Variants in SKA2 observed in about 807,000 individuals in gnomAD.
SKA2 encodes the protein spindle and kinetochore associated complex subunit 2, also known as spindle and kinetochore-associated protein 2.
SKA2 carries 13 observed loss-of-function variants against 16.9 expected under a neutral mutation model. That is an observed-to-expected ratio of 0.77 (90% CI 0.50 to 1.22). The LOEUF is 1.22. Ranked by LOEUF, SKA2 falls within the 50% of genes most tolerant of loss-of-function variation. The pLI, the probability that SKA2 is intolerant of heterozygous loss-of-function variation, is 0.00. For synonymous variants in SKA2, 47 were observed against 48.5 expected, an observed-to-expected ratio of 0.97 and a Z score of 0.13; for missense variants, 107 against 139.7, an observed-to-expected ratio of 0.77 and a Z score of 1.18.
At position 59,112,119 on chromosome 17, in the gene SKA2, T is replaced by C. The variant is rs1195323434; in HGVS notation, c.*158A>G. ...CATATATTATCTGCCCTTCTTCTTA[T>C]AATCTCTCTCATGAAAGATATCATT... is the stretch of plus-strand genomic sequence containing the variant. On this transcript the variant is annotated 3_prime_UTR_variant, in exon 4 of 4. Coordinates refer to ENST00000330137, the MANE Select transcript of SKA2 (RefSeq NM_182620.4). 8 of 609,340 alleles carry C rather than the reference T, an allele frequency of 1.3e-5. No homozygotes were observed. The highest frequency in any genetic ancestry group is 2.2e-5 in the South Asian group (1 of 46,288). The allele number at this position is 609,340 out of a possible 1,614,324, so 37.7% of individuals were successfully genotyped here.
intron 1 of SKA2, among the ~76,000 whole-genome samples, chr17:59,142,692 CGAGGTGGGTGGATCACCT>C (rs2046500590): frequency 6.6e-6 from 1 of 151,356 alleles, no homozygotes; most frequent in Non-Finnish European, 1.5e-5. Flanking sequence ...TCTGGGAAGC[CGAGGTGGGTGGATCACCT>C]GAGGTCAGAG....
At chr17:59,112,464 TCACAGATTTAGA>T in intron 3 of SKA2, 119 bp from the exon 4 acceptor site, 1 of 694,344 alleles carries the variant, frequency 1.4e-6, no homozygotes, top group East Asian at 2.9e-5. Context: ...ATGTATGTAA[TCACAGATTTAGA>T]AAGGCAAGGG....
At chr17:59,154,950 C>CTAAG in intron 1 of SKA2, 181 bp downstream of exon 1, 1 of 1,613,904 alleles carries the variant, frequency 6.2e-7, no homozygotes, top group Non-Finnish European at 8.5e-7. Flanking sequence ...GGATGTAACC[C>CTAAG]CTTACCCGAG....
intron 1 of SKA2, among the ~76,000 whole-genome samples, chr17:59,152,603 A>AAATAGTCAATGATAGTT (rs58604484): frequency 1.3e-5 from 2 of 152,044 alleles, no homozygotes; most frequent in Non-Finnish European, 2.9e-5. Flanking sequence ...ATTTCCTTTT[A>AAATAGTCAATGATAGTT]CCTTGACAAA....
chr17:59,145,686 C>T (rs1012488503), intron 1 of SKA2, among the ~76,000 whole-genome samples: 2 of 151,998 alleles, frequency 1.3e-5, no homozygotes, highest in Admixed American at 6.6e-5. Context: ...GTTACTAGCC[C>T]GATCTAGAAA....
intron 1 of SKA2, among the ~76,000 whole-genome samples, chr17:59,154,248 C>A (rs965420614): frequency 6.6e-6 from 1 of 150,996 alleles, no homozygotes; most frequent in Admixed American, 6.6e-5. Flanking sequence ...AACAAGGACA[C>A]TAAGAGGAAA....
intron 1 of SKA2, among the ~76,000 whole-genome samples, chr17:59,134,205 GGA>G (rs553793164): frequency 9.3e-4 from 141 of 152,246 alleles, no homozygotes; most frequent in Non-Finnish European, 1.2e-3. Context: ...GAGAGAATGA[GGA>G]GAGACCAGGA....
intron 3 of SKA2, among the ~76,000 whole-genome samples, chr17:59,116,021 G>A (rs974230571): frequency 6.6e-6 from 1 of 152,048 alleles, no homozygotes; most frequent in African/African-American, 2.4e-5. Flanking sequence ...TTGGGTGTAA[G>A]TTTAGTCCCT....
intron 3 of SKA2, chr17:59,118,225 C>A (rs1443713688): frequency 6.6e-6 from 1 of 152,472 alleles, no homozygotes; most frequent in Non-Finnish European, 1.5e-5. Flanking sequence ...GAGATGGTGC[C>A]ATTGCACTCC....
chr17:59,144,033 G>A (rs1274466830), intron 1 of SKA2, among the ~76,000 whole-genome samples: 1 of 151,998 alleles, frequency 6.6e-6, no homozygotes, highest in African/African-American at 2.4e-5. Flanking sequence ...TCATGCGCCT[G>A]TAGTCCCAGC....
intron 1 of SKA2, among the ~76,000 whole-genome samples, chr17:59,141,132 C>T (rs536714137): frequency 2.7e-4 from 41 of 152,032 alleles, no homozygotes; most frequent in African/African-American, 8.4e-4. Context: ...GGCACAGTGG[C>T]GCATGCCTAT....
intron 1 of SKA2, among the ~76,000 whole-genome samples, chr17:59,132,131 G>C (rs991250050): frequency 1.3e-5 from 2 of 152,058 alleles, no homozygotes; most frequent in African/African-American, 4.8e-5. Flanking sequence ...CAAGGCAGGT[G>C]GATCACCTGA....
rs1415047086 is a variant in SKA2 at position 59,155,154 on chromosome 17, C to T, written c.10G>A (p.Glu4Lys). MEA[E>K]VDKLELMFQK... ...ACCATCAGTTCCAGCTTATCGACCT[C>T]CGCCTCCATGTTGAATAGTTGACAT... The change falls in exon 1 of 4, where the codon GAG (glutamate) becomes AAG (lysine). Residue 4 changes from glutamate (E) to lysine (K), a missense_variant. Glu to Lys is a moderately conservative substitution (Grantham distance 56). Coordinates refer to ENST00000330137, the MANE Select transcript of SKA2 (RefSeq NM_182620.4). 2 of 1,614,022 alleles carry T rather than the reference C, an allele frequency of 1.2e-6. No individual in the cohort carries two copies. The highest frequency in any genetic ancestry group is 2.2e-5 in the South Asian group (2 of 91,086).
At position 59,111,264 on chromosome 17, in the gene SKA2, G is replaced by A. The variant is rs1214345128; in HGVS notation, c.*1013C>T. 6.6e-6 allele frequency: 1 copy of A among 152,116 alleles called. No homozygotes were observed. Among genetic ancestry groups the A allele is most frequent in the Non-Finnish European group, 1.5e-5 (1 of 68,032 alleles). 9.4% of individuals were successfully genotyped at this position (152,116 alleles called of 1,614,324 possible). On this transcript the variant is annotated 3_prime_UTR_variant, in exon 4 of 4. Transcript: ENST00000330137. ...CTTAGCATAGTTTCAGCATTTCCCA[G>A]AACATTAACAGTAATAATTTATTGG...
chr17:59,123,420 G>C (rs1302555094), intron 2 of SKA2, among the ~76,000 whole-genome samples: 2 of 151,742 alleles, frequency 1.3e-5, no homozygotes, highest in African/African-American at 4.8e-5. Flanking sequence ...AGCTGGGCAG[G>C]GTGGCATGTG....
rs1034928294 is a variant in SKA2 at position 59,110,397 on chromosome 17, A to C, written c.*1880T>G. ...TTTCAATCCCAACAATCATCATCAC[A>C]TCCCAGAGCCATCTCATGACAAGAG... is the stretch of plus-strand genomic sequence containing the variant. On this transcript the variant is annotated 3_prime_UTR_variant, in exon 4 of 4. Coordinates refer to ENST00000330137, the MANE Select transcript of SKA2 (RefSeq NM_182620.4). 3.3e-5 allele frequency: 5 copies of C among 152,168 alleles called. No homozygotes were observed. Among genetic ancestry groups the C allele is most frequent in the African/African-American group, 9.7e-5 (4 of 41,430 alleles). 9.4% of individuals were successfully genotyped at this position (152,168 alleles called of 1,614,324 possible).
chr17:59,115,708 C>T (rs1042432699), intron 3 of SKA2, among the ~76,000 whole-genome samples: 2 of 152,192 alleles, frequency 1.3e-5, no homozygotes, highest in East Asian at 1.9e-4. Flanking sequence ...ATCGTCCCAC[C>T]TCAGCCTCCC....
intron 3 of SKA2, among the ~76,000 whole-genome samples, chr17:59,113,477 C>A (rs941560766): frequency 6.6e-6 from 1 of 151,510 alleles, no homozygotes; most frequent in African/African-American, 2.4e-5. Context: ...GACCCAAGAT[C>A]GCACCACTGA....
rs2046266412 is a variant in SKA2 at position 59,111,968 on chromosome 17, A to G, written c.*309T>C. 2 of 265,826 alleles carry G rather than the reference A, an allele frequency of 7.5e-6. No individual in the cohort carries two copies. Among genetic ancestry groups the G allele is most frequent in the East Asian group, 8.1e-5 (1 of 12,280 alleles). 16.5% of individuals were successfully genotyped at this position (265,826 alleles called of 1,614,324 possible). On this transcript the variant is annotated 3_prime_UTR_variant, in exon 4 of 4. Coordinates refer to ENST00000330137, the MANE Select transcript of SKA2 (RefSeq NM_182620.4). ...ATATTATCATGACTTAGAAAAAGAA[A>G]ACAGATGCAAAATAGTGTTGAGAAT...
Sources: allele counts gnomAD v4.1 joint callset (sites outside exome capture counted in the v4.1 genomes callset), GRCh38; gene constraint gnomAD v4.1.1; transcripts MANE v1.5; gene names NCBI Gene and HGNC (gene_info 2026-07-23, HGNC 2026-07-21).